The following EXT1 variants were observed in gnomAD, a reference collection of about 807,000 sequenced individuals.
EXT1 encodes the protein exostosin-1.
EXT1 carries 20 observed loss-of-function variants against 82.5 expected under a neutral mutation model. That is an observed-to-expected ratio of 0.24 (90% CI 0.17 to 0.35). EXT1 has a LOEUF of 0.35. Among genes scored for constraint, EXT1 ranks in the 10% least tolerant of loss-of-function variants. The pLI, the probability that EXT1 is intolerant of heterozygous loss-of-function variation, is 1.00. For missense variants in EXT1, 757 were observed against 936.5 expected (o/e 0.81, Z 2.50); for synonymous variants, 348 against 350.8 (o/e 0.99, Z 0.09).
chr8:117,969,888 A>G (rs1814903605), intron 1 of EXT1, among the ~76,000 whole-genome samples: 1 of 152,242 alleles, frequency 6.6e-6, no homozygotes, highest in Non-Finnish European at 1.5e-5. Context: ...ACGTAGGGTC[A>G]CTGACAGGAT....
In EXT1 at chr8:117,996,085, T is replaced by C. The variant is rs115704567; in HGVS notation, c.962+114000A>G. Among the ~76,000 whole-genome samples the C allele has an allele frequency of 6.9e-3, 1,046 of 152,284 alleles. 12 individuals are homozygous for C. Among genetic ancestry groups the C allele is most frequent in the African/African-American group, 0.024 (1,003 of 41,548 alleles). ...CCTTTGAATCCAGACAGGATAAATATAATACAGTGGAAGCAAGATTGCTGG... is the reference window on the plus strand; with the variant it reads ...CCTTTGAATCCAGACAGGATAAATACAATACAGTGGAAGCAAGATTGCTGG... On this transcript the variant is annotated intron_variant, in intron 1 of 10. Transcript: ENST00000378204.
intron 1 of EXT1, among the ~76,000 whole-genome samples, chr8:117,978,440 C>G (rs1388447959): frequency 1.3e-5 from 2 of 152,102 alleles, no homozygotes; most frequent in Non-Finnish European, 2.9e-5. Flanking sequence ...TCTTTGGAAT[C>G]CAGAGGTCAC....
At chr8:118,006,227 G>A (rs1372633709) in intron 1 of EXT1, among the ~76,000 whole-genome samples, 2 of 152,168 alleles carry the variant, frequency 1.3e-5, no homozygotes, top group Admixed American at 6.5e-5. Context: ...CTGACTGACC[G>A]CAGGAACTTT....
At chr8:118,082,342 T>C (rs1040019199) in intron 1 of EXT1, among the ~76,000 whole-genome samples, 2 of 152,264 alleles carry the variant, frequency 1.3e-5, no homozygotes, top group African/African-American at 2.4e-5. Flanking sequence ...AGTTTCACTA[T>C]TGTCCTAAAA....
At chr8:117,944,119 T>C (rs768610425) in intron 1 of EXT1, among the ~76,000 whole-genome samples, 8 of 152,178 alleles carry the variant, frequency 5.3e-5, no homozygotes, top group Non-Finnish European at 1.2e-4. Context: ...AAGTGGAATC[T>C]GGCAGGGCAT....
At chr8:117,930,522 T>C (rs187902578) in intron 1 of EXT1, among the ~76,000 whole-genome samples, 23 of 152,296 alleles carry the variant, frequency 1.5e-4, no homozygotes, top group Non-Finnish European at 2.8e-4. Context: ...AAAAACCTTT[T>C]CTAAAAATGG....
intron 1 of EXT1, among the ~76,000 whole-genome samples, chr8:118,081,585 A>C (rs1817331445): frequency 6.6e-6 from 1 of 152,236 alleles, no homozygotes; most frequent in Non-Finnish European, 1.5e-5. Context: ...GGAAGCAGAT[A>C]TCTAAATAAC....
chr8:118,099,352 C>G (rs1394202250), intron 1 of EXT1, among the ~76,000 whole-genome samples: 1 of 152,226 alleles, frequency 6.6e-6, no homozygotes, highest in Non-Finnish European at 1.5e-5. Flanking sequence ...CCAGTACTAT[C>G]TGCAAGAATC....
intron 1 of EXT1, among the ~76,000 whole-genome samples, chr8:117,960,047 G>C (rs2129714986): frequency 6.6e-6 from 1 of 152,144 alleles, no homozygotes; most frequent in African/African-American, 2.4e-5. Context: ...CCCATCTTTT[G>C]TAAAAATACA....
At chr8:117,808,030 C>T (rs998698184) in intron 8 of EXT1, among the ~76,000 whole-genome samples, 2 of 152,108 alleles carry the variant, frequency 1.3e-5, no homozygotes, top group Non-Finnish European at 2.9e-5. Flanking sequence ...ACAACTGAAG[C>T]CACAGAATTA....
intron 1 of EXT1, among the ~76,000 whole-genome samples, chr8:117,848,841 G>A (rs549800845): frequency 2.0e-5 from 3 of 152,094 alleles, no homozygotes; most frequent in Non-Finnish European, 4.4e-5. Flanking sequence ...GTATCTTCCT[G>A]CAGTCCATAG....
In EXT1 at chr8:117,797,304, A is replaced by G. The variant is rs946508549; in HGVS notation, c.*2408T>C. 6.6e-6 allele frequency: 1 copy of G among 152,258 alleles called. No individual in the cohort carries two copies. The highest frequency in any genetic ancestry group is 2.4e-5 in the African/African-American group (1 of 41,482). 9.4% of individuals were successfully genotyped at this position (152,258 alleles called of 1,614,324 possible). A position where few individuals can be genotyped will look rare whatever the true frequency, so the allele number is the denominator to read the frequency against. On this transcript the variant is annotated 3_prime_UTR_variant, in exon 11 of 11. Coordinates refer to ENST00000378204, the MANE Select transcript of EXT1 (RefSeq NM_000127.3). ...TTGCTCAGAGAATGACATAAAATGA[A>G]ACTGTGGAGATTTAAAGTGGATGAA...
At chr8:117,860,771 G>A (rs898131154) in intron 1 of EXT1, among the ~76,000 whole-genome samples, 3 of 152,302 alleles carry the variant, frequency 2.0e-5, no homozygotes, top group Non-Finnish European at 2.9e-5. Context: ...TGGACCTGCT[G>A]TACTCCCTCA....
At chr8:118,095,972 C>A (rs1167697091) in intron 1 of EXT1, among the ~76,000 whole-genome samples, 1 of 152,152 alleles carries the variant, frequency 6.6e-6, no homozygotes, top group Non-Finnish European at 1.5e-5. Flanking sequence ...CCCCGCTTTG[C>A]CTTTTAATTA....
chr8:118,056,866 G>A (rs1221970222), intron 1 of EXT1, among the ~76,000 whole-genome samples: 1 of 152,140 alleles, frequency 6.6e-6, no homozygotes, highest in Non-Finnish European at 1.5e-5. Flanking sequence ...TGGTGGGCTT[G>A]GAAAGCATAG....
intron 3 of EXT1, among the ~76,000 whole-genome samples, chr8:117,832,914 A>C (rs1180498856): frequency 6.6e-6 from 1 of 152,212 alleles, no homozygotes; most frequent in African/African-American, 2.4e-5. Context: ...GCCGAGCTCA[A>C]TGAAGTCTTA....
rs140112129 is a variant in EXT1, at chr8:117,855,861, G to A, written c.963-18660C>T. Among the ~76,000 whole-genome samples, 580 of 152,228 alleles carry A rather than the reference G, an allele frequency of 3.8e-3. 3 individuals carry two copies. The highest frequency in any genetic ancestry group is 0.012 in the African/African-American group (500 of 41,544). On this transcript the variant is annotated intron_variant, in intron 1 of 10. Coordinates refer to ENST00000378204, the MANE Select transcript of EXT1 (RefSeq NM_000127.3). ...TTTTTTGTATTTTTAGTAGAGACAGGGTTTCACTATGTTGGCCAGGCTGGT... is the reference window on the plus strand; with the variant it reads ...TTTTTTGTATTTTTAGTAGAGACAGAGTTTCACTATGTTGGCCAGGCTGGT...
At chr8:117,974,589 T>C (rs1489743520) in intron 1 of EXT1, among the ~76,000 whole-genome samples, 1 of 152,164 alleles carries the variant, frequency 6.6e-6, no homozygotes, top group Admixed American at 6.5e-5. Flanking sequence ...CATCTCAGCC[T>C]CCTAAGTAGC....
At chr8:118,000,951 T>C (rs762225451) in intron 1 of EXT1, among the ~76,000 whole-genome samples, 2 of 152,182 alleles carry the variant, frequency 1.3e-5, no homozygotes, top group Non-Finnish European at 2.9e-5. Flanking sequence ...GCTGAAAAGA[T>C]AGATTAAGAG....
Sources: allele counts gnomAD v4.1 joint callset (sites outside exome capture counted in the v4.1 genomes callset), GRCh38; gene constraint gnomAD v4.1.1; transcripts MANE v1.5; gene names NCBI Gene and HGNC (gene_info 2026-07-23, HGNC 2026-07-21).